STOX2: variants seen among roughly 807,000 people sequenced by gnomAD.
STOX2 encodes the protein storkhead box 2.
Under a neutral mutation model 60.9 loss-of-function variants are expected in STOX2, and 28 were observed. The observed-to-expected ratio is 0.46, with a 90% confidence interval of 0.34 to 0.63. The LOEUF (loss-of-function observed/expected upper bound fraction) is 0.63. Among genes scored for constraint, STOX2 ranks in the 30% least tolerant of loss-of-function variants. The pLI is 0.01. For missense variants in STOX2, 1,024 were observed against 1,187.7 expected (o/e 0.86, Z 2.03); for synonymous variants, 472 against 463.9 (o/e 1.02, Z -0.22).
chr4:184,005,474 A>AAAAAAAAAAAAAAAAAAAAAAAAC (rs58443213), intron 2 of STOX2, among the ~76,000 whole-genome samples: 3 of 120,072 alleles, frequency 2.5e-5, no homozygotes, highest in Non-Finnish European at 5.2e-5. Flanking sequence ...AAAAAAAAAA[A>AAAAAAAAAAAAAAAAAAAAAAAAC]AATTCATAGG....
chr4:183,822,675 C>G (rs1246548805), intron 1 of STOX2, among the ~76,000 whole-genome samples: 2 of 152,232 alleles, frequency 1.3e-5, no homozygotes, highest in Non-Finnish European at 2.9e-5. Flanking sequence ...TGGGGAGCAG[C>G]TGCAAATGCA....
chr4:183,984,224 G>C (rs560732851), intron 1 of STOX2, among the ~76,000 whole-genome samples: 2 of 152,324 alleles, frequency 1.3e-5, no homozygotes, highest in South Asian at 4.1e-4. Context: ...TGACATATGG[G>C]CTGTGCTTTC....
At chr4:183,857,206 C>A (rs578164431) in intron 1 of STOX2, among the ~76,000 whole-genome samples, 2 of 145,152 alleles carry the variant, frequency 1.4e-5, no homozygotes, top group East Asian at 4.0e-4. Flanking sequence ...CTGCAGGTCT[C>A]ATCATCCCAC....
chr4:183,884,028 A>G (rs551253343), intron 1 of STOX2, among the ~76,000 whole-genome samples: 2 of 151,712 alleles, frequency 1.3e-5, no homozygotes, highest in African/African-American at 4.8e-5. Flanking sequence ...AATTTTTTGT[A>G]TTTTTAGTAG....
rs1207507137 is a variant in STOX2 at position 184,009,700 on chromosome 4, G to T, written c.862G>T (p.Ala288Ser). 1.9e-6 allele frequency: 3 copies of T among 1,613,794 alleles called. No individual in the cohort carries two copies. The highest frequency in any genetic ancestry group is 1.1e-5 in the South Asian group (1 of 91,040). ...GACCAAACAGCTGGCCAATTTTTCT[G>T]CCCAGTTTCCTCCTGAAGAGTGGCC... ...DKTKQLANFS[A>S]QFPPEEWPLR... The change falls in exon 3 of 4, where the codon GCC becomes TCC. Residue 288 changes from alanine (A) to serine (S), a missense_variant. By Grantham distance (99) the Ala-to-Ser change is moderately conservative (BLOSUM62 1). Coordinates refer to ENST00000308497, the MANE Select transcript of STOX2 (RefSeq NM_020225.3). The surrounding 1 kb of genome is among the most constrained non-coding windows in gnomAD (Gnocchi z 4.0).
At chr4:183,984,837 A>C (rs550308356) in intron 1 of STOX2, among the ~76,000 whole-genome samples, 29 of 152,304 alleles carry the variant, frequency 1.9e-4, no homozygotes, top group African/African-American at 5.8e-4. Flanking sequence ...GCTGTTATCC[A>C]AAGATGTAAG....
At chr4:183,829,360 G>GA (rs1187631175) in intron 1 of STOX2, among the ~76,000 whole-genome samples, 3 of 152,176 alleles carry the variant, frequency 2.0e-5, no homozygotes, top group African/African-American at 7.2e-5. Flanking sequence ...ACAGAACGTG[G>GA]AAAAAAGCCG....
chr4:183,907,258 G>A (rs1009391419), intron 1 of STOX2, among the ~76,000 whole-genome samples: 2 of 152,214 alleles, frequency 1.3e-5, no homozygotes, highest in Admixed American at 6.5e-5. Flanking sequence ...CTCGAGCTTT[G>A]TGGAGGATCC....
chr4:183,816,551 C>T (rs1739158698), intron 1 of STOX2, among the ~76,000 whole-genome samples: 2 of 152,202 alleles, frequency 1.3e-5, no homozygotes, highest in African/African-American at 4.8e-5. Flanking sequence ...GTACTGTATT[C>T]ACTATTTGGG....
rs199963403 is a variant in STOX2, at chr4:184,011,085, G to A, written c.2247G>A (p.Ser749=). The stretch of plus-strand genomic sequence containing the variant: ...AACTGGAACCGTCCCTGGGGACCTC[G>A]GCGGCACAAGCCATGCCTGCTTCCC... The part of the protein sequence containing the change: ...CEKLEPSLGT[S]AAQAMPASQR... The change falls in exon 3 of 4, where the codon TCG becomes TCA. Residue 749 remains serine, a synonymous_variant. Transcript: ENST00000308497. The surrounding 1 kb of genome is among the most constrained non-coding windows in gnomAD (Gnocchi z 4.4). 86 of 1,599,498 alleles carry A rather than the reference G, an allele frequency of 5.4e-5. 1 individual carries two copies. In the East Asian group the frequency reaches 9.0e-4, roughly 17 times the overall value.
intron 1 of STOX2, among the ~76,000 whole-genome samples, chr4:183,858,623 A>G (rs553166717): frequency 1.8e-4 from 28 of 152,014 alleles, no homozygotes; most frequent in African/African-American, 3.9e-4. Flanking sequence ...GGAAGGAAGG[A>G]AGGGAGGGAC....
rs1741623464 is a variant in STOX2 at position 183,906,712 on chromosome 4, G to T, written c.-79G>T. The T allele has an allele frequency of 7.2e-7, 1 of 1,390,502 alleles. No homozygotes were observed. The highest frequency in any genetic ancestry group is 2.7e-5 in the East Asian group (1 of 37,206). The allele number at this position is 1,390,502 out of a possible 1,614,324, so 86.1% of individuals were successfully genotyped here. ...CGCAGAGTCCGCCCGGGTCGTGCCC[G>T]CCGTAGACGGATGAAGGAGCGCGCT... On this transcript the variant is annotated 5_prime_UTR_variant, in exon 1 of 4. Transcript: ENST00000308497.
intron 1 of STOX2, among the ~76,000 whole-genome samples, chr4:183,913,667 A>T (rs571648799): frequency 4.7e-4 from 71 of 152,232 alleles, no homozygotes; most frequent in African/African-American, 1.6e-3. Flanking sequence ...GCTACTCGGG[A>T]GGCTGAGGCA....
At chr4:183,840,134 C>T (rs1037201274) in intron 1 of STOX2, among the ~76,000 whole-genome samples, 6 of 152,154 alleles carry the variant, frequency 3.9e-5, no homozygotes, top group East Asian at 1.9e-4. Context: ...AGTTTTTCTC[C>T]GCTTTGTTGT....
intron 1 of STOX2, among the ~76,000 whole-genome samples, chr4:183,861,308 TGG>T (rs10709509): frequency 1.3e-5 from 2 of 151,830 alleles, no homozygotes; most frequent in Non-Finnish European, 2.9e-5. Flanking sequence ...CCCGTTACCT[TGG>T]GGGGGTCCTC....
At chr4:183,992,147 G>A (rs940227704) in intron 1 of STOX2, among the ~76,000 whole-genome samples, 7 of 152,172 alleles carry the variant, frequency 4.6e-5, no homozygotes, top group African/African-American at 7.2e-5. Context: ...GGGTAGAAGC[G>A]TGTTCGGTTT....
Position 183,815,159 on chromosome 4 carries a change from A to AT in STOX2, c.364+17116dup, listed in dbSNP as rs58103030. Among the ~76,000 whole-genome samples the AT allele has an allele frequency of 1.4e-3, 211 of 147,180 alleles. 1 individual carries two copies. Among genetic ancestry groups the AT allele is most frequent in the Non-Finnish European group, 1.7e-3 (116 of 66,368 alleles). On this transcript the variant is annotated intron_variant, in intron 1 of 2. Transcript: ENST00000513034. ...AGGTGTCCACCACCATGCCCAGCTA[A>AT]TTTTTTTTTTTTATTTTAATAGAGA...
At chr4:184,006,972 C>G (rs1431589905) in intron 2 of STOX2, among the ~76,000 whole-genome samples, 4 of 130,240 alleles carry the variant, frequency 3.1e-5, no homozygotes, top group Admixed American at 8.6e-5. Flanking sequence ...GCCGAGATCC[C>G]GCCACTGCAC....
At chr4:183,859,148 G>T (rs982628144) in intron 1 of STOX2, among the ~76,000 whole-genome samples, 7 of 152,200 alleles carry the variant, frequency 4.6e-5, no homozygotes, top group Non-Finnish European at 8.8e-5. Flanking sequence ...ATTAGGAGGG[G>T]CAGTTCCTGG....
Sources: gnomAD v4.1 joint callset for allele counts (sites outside exome capture counted in the v4.1 genomes callset) on GRCh38, gnomAD v4.1.1 for gene constraint, Gnocchi (gnomAD v3.1) non-coding constraint, MANE v1.5 for transcripts, NCBI Gene and HGNC (gene_info 2026-07-23, HGNC 2026-07-21) for gene names.